DNHD1: variants seen among roughly 807,000 people sequenced by gnomAD.
DNHD1 encodes the protein dynein heavy chain domain 1.
Under a neutral mutation model 458.1 loss-of-function variants are expected in DNHD1, and 383 were observed. The observed-to-expected ratio is 0.84, with a 90% CI of 0.77 to 0.91. The LOEUF (loss-of-function observed/expected upper bound fraction) is 0.91. Ranked by LOEUF, DNHD1 falls within the 40% of genes least tolerant of loss-of-function variation. DNHD1 has a pLI of 0.00. For synonymous variants in DNHD1, 2,203 were observed against 2,376.9 expected (o/e 0.93, Z 2.13); for missense variants, 5,336 against 5,866.1 (o/e 0.91, Z 2.95).
chr11:6,564,131 A>T lies in DNHD1; in HGVS notation c.10284+7A>T, dbSNP rs113574909. ...CTGGACTACACAGCTCCAGGTAACC[A>T]TCCCCCTCCCAGATGTCTCCCCCAA... On this transcript the variant is annotated splice_region_variant and intron_variant, in intron 31 of 42. Coordinates refer to ENST00000254579, the MANE Select transcript of DNHD1 (RefSeq NM_144666.3). 16,329 of 1,545,766 alleles carry T rather than the reference A, an allele frequency of 0.011. 149 individuals carry two copies. Among genetic ancestry groups the T allele is most frequent in the South Asian group, 0.03 (2,548 of 83,948 alleles).
chr11:6,566,698 T>C lies in DNHD1; in HGVS notation c.11318T>C (p.Leu3773Pro). The change falls in exon 35 of 43, where the codon CTC becomes CCC. Residue 3773 changes from leucine to proline, a missense_variant. Physicochemically the swap from Leu to Pro is moderately conservative, Grantham distance 98. Coordinates refer to ENST00000254579, the MANE Select transcript of DNHD1 (RefSeq NM_144666.3). ...ATCTTGTGCAGAGAGTATCCTGAAC[T>C]CGAGACCCGCTGGCAGGACCTAAAG... Reference protein sequence around the residue: ...HEILCREYPELETRWQDLKIR... With the variant: ...HEILCREYPEPETRWQDLKIR... The C allele has an allele frequency of 6.2e-7, 1 of 1,612,722 alleles. No individual in the cohort carries two copies. The highest frequency in any genetic ancestry group is 1.1e-5 in the South Asian group (1 of 90,712).
intron 16 of DNHD1, 130 bp downstream of exon 16, chr11:6,538,940 A>G (rs1853029045): frequency 2.8e-6 from 3 of 1,065,346 alleles, no homozygotes; most frequent in Admixed American, 3.0e-5. Flanking sequence ...CCTTTCCCAC[A>G]TATTTCAATT....
chr11:6,571,314 C>A lies in DNHD1; in HGVS notation c.13802C>A (p.Ala4601Asp). The A allele has an allele frequency of 6.2e-7, 1 of 1,612,282 alleles. No individual in the cohort carries two copies. The change falls in exon 42 of 43, where the codon GCC becomes GAC. Residue 4601 changes from alanine to aspartate, a missense_variant. This residue lies in a region of DNHD1 where 698 missense variants were observed against 664.9 expected (regional missense o/e 1.05). Transcript: ENST00000254579. This position sits in a 1 kb window ranked among gnomAD's most constrained non-coding sequence, Gnocchi z 5.0. ...CTGCTGGCATTGCGTGGGGAAGCTG[C>A]CCTGGACCAGAATGTGCCCAGCTCG... ...RLLLALRGEA[A>D]LDQNVPSSNF...
At position 6,548,566 on chromosome 11, in the gene DNHD1, G is replaced by A; in HGVS notation, c.7099-79G>A. 6.6e-7 allele frequency: 1 copy of A among 1,512,136 alleles called. No homozygotes were observed. Among genetic ancestry groups the A allele is most frequent in the Non-Finnish European group, 8.9e-7 (1 of 1,119,610 alleles). The allele number at this position is 1,512,136 out of a possible 1,614,324, so 93.7% of individuals were successfully genotyped here. On this transcript the variant is annotated intron_variant, in intron 23 of 42. Transcript: ENST00000254579. This position sits in a 1 kb window ranked among gnomAD's most constrained non-coding sequence, Gnocchi z 4.4. ...TTTTCCAAGTACAGCTCTAGGACAA[G>A]TCCCTTAGACTTTTATTTTCAGCTA...
intron 14 of DNHD1, chr11:6,534,379 G>A (rs1277548505): frequency 6.8e-6 from 4 of 584,582 alleles, no homozygotes; most frequent in East Asian, 3.0e-5. Flanking sequence ...TAGGGTGGGG[G>A]TATGGGGGCT....
intron 14 of DNHD1, among the ~76,000 whole-genome samples, chr11:6,535,799 T>C (rs1852935678): frequency 6.6e-6 from 1 of 152,160 alleles, no homozygotes; most frequent in Non-Finnish European, 1.5e-5. Context: ...TCATGGTAAT[T>C]ACCAGATCAG....
rs552078225 is a variant in DNHD1 at position 6,499,620 on chromosome 11, T to C, written c.746+659T>C. Among the ~76,000 whole-genome samples, 35 of 152,150 alleles carry C rather than the reference T, an allele frequency of 2.3e-4. 1 individual carries two copies. The South Asian group carries it at 6.9e-3, about 30-fold the overall frequency. On this transcript the variant is annotated intron_variant, in intron 3 of 42. Transcript: ENST00000254579. The stretch of plus-strand genomic sequence containing the variant: ...TCTCACTCTGTCGCCCAGGCTGGAG[T>C]GCAACGGCATGGTCTCGGTTCACCG...
chr11:6,567,951 T>G, intron 36 of DNHD1, 91 bp downstream of exon 36: 1 of 1,485,032 alleles, frequency 6.7e-7, no homozygotes, highest in African/African-American at 1.4e-5. Context: ...TGGATCTTTC[T>G]GTACTACGTA....
Position 6,545,038 on chromosome 11 carries a change from C to T in DNHD1, c.4099C>T (p.Leu1367=). The T allele has an allele frequency of 1.3e-6, 2 of 1,551,900 alleles. No individual in the cohort carries two copies. The highest frequency in any genetic ancestry group is 1.7e-6 in the Non-Finnish European group (2 of 1,147,046). The change falls in exon 21 of 43, where the codon CTG becomes TTG. Residue 1367 remains leucine (L), a synonymous_variant. Transcript: ENST00000254579. This position sits in a 1 kb window ranked among gnomAD's most constrained non-coding sequence, Gnocchi z 4.9. Reference sequence around the variant, plus strand: ...CCTCTTCTTCCTTAGTGACAGTGAGCTGGTAGCCCTGCTGGCTGCTCGACT... The same window carrying T: ...CCTCTTCTTCCTTAGTGACAGTGAGTTGGTAGCCCTGCTGGCTGCTCGACT... ...PRLFFLSDSE[L]VALLAARLES... is the part of the protein sequence containing the mutation.
chr11:6,570,221 C>A, intron 40 of DNHD1, 26 bp from the exon 41 acceptor site: 1 of 1,613,678 alleles, frequency 6.2e-7, no homozygotes, highest in Non-Finnish European at 8.5e-7. Flanking sequence ...GGTACTGGAA[C>A]TGAGAGACTC....
chr11:6,519,948 G>A lies in DNHD1; in HGVS notation c.1648-17G>A. 1 of 1,614,034 alleles carries A rather than the reference G, an allele frequency of 6.2e-7. No homozygotes were observed. The highest frequency in any genetic ancestry group is 8.5e-7 in the Non-Finnish European group (1 of 1,179,968). ...GACATCTAGCCCCTCGACCTTTCCT[G>A]ACCCTTTTTTTTACAGGCCCCAAGG... On this transcript the variant is annotated splice_polypyrimidine_tract_variant and intron_variant, in intron 8 of 42. Coordinates refer to ENST00000254579, the MANE Select transcript of DNHD1 (RefSeq NM_144666.3).
chr11:6,514,930 A>G (rs1352333225), intron 7 of DNHD1, among the ~76,000 whole-genome samples: 2 of 152,220 alleles, frequency 1.3e-5, no homozygotes, highest in African/African-American at 4.8e-5. Flanking sequence ...AGGGTATCAC[A>G]TACTGATGAG....
At position 6,509,132 on chromosome 11, in the gene DNHD1, A is replaced by G. The variant is rs990290378; in HGVS notation, c.1125-30A>G. On this transcript the variant is annotated intron_variant, in intron 5 of 42. Transcript: ENST00000254579. ...TTGGGGGGAAATGGATGACAGCAAC[A>G]GTATATTATCACTGACCTCTAATTT... The G allele has an allele frequency of 3.1e-6, 5 of 1,614,098 alleles. No individual in the cohort carries two copies. The African/African-American group carries it at 4.0e-5, about 13-fold the overall frequency.
chr11:6,535,433 A>C (rs561254007), intron 14 of DNHD1, among the ~76,000 whole-genome samples: 2 of 152,336 alleles, frequency 1.3e-5, no homozygotes, highest in Admixed American at 6.5e-5. Flanking sequence ...AAGGAACCAG[A>C]GCTCCTTAGA....
Position 6,544,680 on chromosome 11 carries a change from G to C in DNHD1, c.3852+9G>C, listed in dbSNP as rs1853167997. The C allele has an allele frequency of 6.4e-7, 1 of 1,550,624 alleles. No homozygotes were observed. The highest frequency in any genetic ancestry group is 8.7e-7 in the Non-Finnish European group (1 of 1,146,250). On this transcript the variant is annotated intron_variant, in intron 20 of 42. Coordinates refer to ENST00000254579, the MANE Select transcript of DNHD1 (RefSeq NM_144666.3). ...TTCCTAATGCTGACCTGGTAGGGAAGGGGGTTGAGGCAGAGAGGGCAAGAA... is the reference window on the plus strand; with the variant it reads ...TTCCTAATGCTGACCTGGTAGGGAACGGGGTTGAGGCAGAGAGGGCAAGAA...
At position 6,511,196 on chromosome 11, in the gene DNHD1, C is replaced by G. The variant is rs188023799; in HGVS notation, c.1236-77C>G. The G allele has an allele frequency of 1.6e-3, 2,456 of 1,551,380 alleles. 34 individuals are homozygous for G. The African/African-American group carries it at 0.03, about 19-fold the overall frequency. Reference sequence around the variant, plus strand: ...AAATATTTGTGCAGTCTGAGGTAAGCTAGGCTGAGAAGAGGTCAAAGGTAT... The same window carrying G: ...AAATATTTGTGCAGTCTGAGGTAAGGTAGGCTGAGAAGAGGTCAAAGGTAT... On this transcript the variant is annotated intron_variant, in intron 6 of 42. Coordinates refer to ENST00000254579, the MANE Select transcript of DNHD1 (RefSeq NM_144666.3).
rs1564826693 is a variant in DNHD1 at position 6,571,481 on chromosome 11, C to T, written c.13911+58C>T. The T allele has an allele frequency of 1.3e-6, 2 of 1,489,930 alleles. No homozygotes were observed. Among genetic ancestry groups the T allele is most frequent in the South Asian group, 2.7e-5 (2 of 73,846 alleles). 92.3% of individuals were successfully genotyped at this position (1,489,930 alleles called of 1,614,324 possible). On this transcript the variant is annotated intron_variant, in intron 42 of 42. Transcript: ENST00000254579. This position sits in a 1 kb window ranked among gnomAD's most constrained non-coding sequence, Gnocchi z 5.0. ...AGTCCCCTCGAAGTCTCTAATTACA[C>T]CTCGCAGTTACCCCTTCTTGGTGAT...
At position 6,548,762 on chromosome 11, in the gene DNHD1, C is replaced by T; in HGVS notation, c.7216C>T (p.His2406Tyr). The change falls in exon 24 of 43, where the codon CAC becomes TAC. Residue 2406 changes from histidine (H) to tyrosine (Y), a missense_variant. His to Tyr is a moderately conservative substitution (Grantham distance 83). Coordinates refer to ENST00000254579, the MANE Select transcript of DNHD1 (RefSeq NM_144666.3). This position sits in a 1 kb window ranked among gnomAD's most constrained non-coding sequence, Gnocchi z 4.4. Reference protein sequence around the residue: ...AFVEVLVEPHHPYIYSPIHPA... With the variant: ...AFVEVLVEPHYPYIYSPIHPA... ...TGTGGAGGTGCTGGTAGAGCCACAT[C>T]ACCCTTACATATACAGCCCCATCCA... is the stretch of plus-strand genomic sequence containing the variant. 1 of 1,551,660 alleles carries T rather than the reference C, an allele frequency of 6.4e-7. No homozygotes were observed. Among genetic ancestry groups the T allele is most frequent in the East Asian group, 2.4e-5 (1 of 40,908 alleles).
Position 6,563,789 on chromosome 11 carries a change from C to T in DNHD1, c.9949C>T (p.Arg3317Trp), listed in dbSNP as rs377440227. ...TCCAGGTATGGACGATGCAGCCCTG[C>T]GGGCAGTGAGCCGACCTGCAGCCAG... is the stretch of plus-strand genomic sequence containing the variant. ...KAPGMDDAAL[R>W]AVSRPAASLA... Residue 3317 changes from arginine (R) to tryptophan (W), a missense_variant, in exon 31 of 43, where the codon CGG becomes TGG. Coordinates refer to ENST00000254579, the MANE Select transcript of DNHD1 (RefSeq NM_144666.3). 1.4e-5 allele frequency: 22 copies of T among 1,551,496 alleles called. No individual in the cohort carries two copies. Among genetic ancestry groups the T allele is most frequent in the South Asian group, 7.1e-5 (6 of 84,070 alleles).
Sources: allele counts gnomAD v4.1 joint callset (sites outside exome capture counted in the v4.1 genomes callset), GRCh38; gene constraint gnomAD v4.1.1; regional missense constraint gnomAD v4.1.1; non-coding constraint Gnocchi (gnomAD v3.1); transcripts MANE v1.5; gene names NCBI Gene and HGNC (gene_info 2026-07-23, HGNC 2026-07-21).